ALPK1: variants seen among roughly 807,000 people sequenced by gnomAD.
The protein encoded by ALPK1 is alpha-protein kinase 1.
In ALPK1, 110 loss-of-function variants were observed where a neutral mutation model predicts 120.6. The observed-to-expected ratio is 0.91, with a 90% CI of 0.78 to 1.07. ALPK1 has a LOEUF of 1.07. Among genes scored for constraint, ALPK1 ranks in the 50% least tolerant of loss-of-function variants. The pLI is 0.00. For synonymous variants in ALPK1, 582 were observed against 560.3 expected, an observed-to-expected ratio of 1.04 and a Z score of -0.55; for missense variants, 1,498 against 1,483.9, an observed-to-expected ratio of 1.01 and a Z score of -0.16.
intron 11 of ALPK1, among the ~76,000 whole-genome samples, 195 bp from the exon 12 acceptor site, chr4:112,434,953 G>A (rs1410477013): frequency 6.6e-6 from 1 of 152,102 alleles, no homozygotes; most frequent in East Asian, 1.9e-4. Flanking sequence ...AATTTATAAA[G>A]TGTTACTTTT....
chr4:112,301,365 T>A (rs1199310236), intron 1 of ALPK1, among the ~76,000 whole-genome samples: 1 of 152,188 alleles, frequency 6.6e-6, no homozygotes, highest in Non-Finnish European at 1.5e-5. Flanking sequence ...CCTACCCTCT[T>A]CCTTGGGACA....
intron 1 of ALPK1, among the ~76,000 whole-genome samples, chr4:112,308,248 G>A (rs1407223570): frequency 1.3e-5 from 2 of 152,030 alleles, no homozygotes; most frequent in African/African-American, 4.8e-5. Context: ...TTCTCAAGGA[G>A]TATCTTTGTG....
At position 112,441,233 on chromosome 4, in the gene ALPK1, T is replaced by C. The variant is rs1314290325; in HGVS notation, c.*23T>C. The C allele has an allele frequency of 1.8e-5, 27 of 1,517,640 alleles. No individual in the cohort carries two copies. The East Asian group carries it at 5.4e-4, about 30-fold the overall frequency. 94.0% of individuals were successfully genotyped at this position (1,517,640 alleles called of 1,614,324 possible). A position where few individuals can be genotyped will look rare whatever the true frequency, so the allele number is the denominator to read the frequency against. On this transcript the variant is annotated 3_prime_UTR_variant, in exon 16 of 16. Coordinates refer to ENST00000650871, the MANE Select transcript of ALPK1 (RefSeq NM_025144.4). The stretch of plus-strand genomic sequence containing the variant: ...TAGAATACGGCACAGTCTGGTCCTT[T>C]GGGGCTTGGGCAGGGCCGTGACACA...
intron 2 of ALPK1, among the ~76,000 whole-genome samples, chr4:112,367,767 C>T (rs949500876): frequency 1.3e-5 from 2 of 152,184 alleles, no homozygotes; most frequent in Non-Finnish European, 2.9e-5. Flanking sequence ...TATGTTAGAC[C>T]TTTTCTACAA....
In ALPK1 at chr4:112,424,006, G is replaced by C. The variant is rs1282567505; in HGVS notation, c.535+3G>C. On this transcript the variant is annotated splice_donor_region_variant and intron_variant, in intron 6 of 15. Coordinates refer to ENST00000650871, the MANE Select transcript of ALPK1 (RefSeq NM_025144.4). ...AATAAGCAACAATGGAGCAACGGGTGAGTACTTTCATATCTTCACAATGAC... is the reference window on the plus strand; with the variant it reads ...AATAAGCAACAATGGAGCAACGGGTCAGTACTTTCATATCTTCACAATGAC... 1 of 1,613,506 alleles carries C rather than the reference G, an allele frequency of 6.2e-7. No individual in the cohort carries two copies. Among genetic ancestry groups the C allele is most frequent in the Admixed American group, 1.7e-5 (1 of 59,996 alleles).
intron 2 of ALPK1, among the ~76,000 whole-genome samples, chr4:112,350,947 A>G (rs115912885): frequency 0.021 from 3,167 of 152,264 alleles, 44 homozygotes; most frequent in Admixed American, 0.032. Context: ...GGGTGCAGAA[A>G]TGCCAAGAAA....
intron 4 of ALPK1, among the ~76,000 whole-genome samples, chr4:112,396,869 C>T (rs1236409900): frequency 6.6e-6 from 1 of 152,126 alleles, no homozygotes; most frequent in Non-Finnish European, 1.5e-5. Context: ...CCTCCATCTC[C>T]TGGGTTCAAG....
intron 4 of ALPK1, among the ~76,000 whole-genome samples, chr4:112,406,196 A>G (rs571079694): frequency 1.4e-4 from 22 of 152,350 alleles, no homozygotes; most frequent in African/African-American, 5.0e-4. Flanking sequence ...TGGCAGCACT[A>G]TTCACAATAA....
chr4:112,397,591 T>C (rs75578389), intron 4 of ALPK1, among the ~76,000 whole-genome samples: 1 of 152,336 alleles, frequency 6.6e-6, no homozygotes, highest in Non-Finnish European at 1.5e-5. Flanking sequence ...CCCTAACCTG[T>C]CTCAGTAGCT....
chr4:112,329,900 C>T (rs903820852), intron 2 of ALPK1, among the ~76,000 whole-genome samples: 3 of 152,208 alleles, frequency 2.0e-5, no homozygotes, highest in African/African-American at 7.2e-5. Flanking sequence ...TACTGTGTGA[C>T]AGAGTTGCTA....
chr4:112,311,037 G>A (rs751543442), intron 1 of ALPK1, among the ~76,000 whole-genome samples: 6 of 152,320 alleles, frequency 3.9e-5, no homozygotes, highest in Middle Eastern at 6.8e-3. Flanking sequence ...AAGTTCACAC[G>A]TAGCTGGTTT....
intron 2 of ALPK1, among the ~76,000 whole-genome samples, chr4:112,326,499 T>C (rs1729125200): frequency 6.6e-6 from 1 of 152,164 alleles, no homozygotes; most frequent in African/African-American, 2.4e-5. Context: ...CATTCAAGTC[T>C]TAATGGAATG....
At chr4:112,386,342 A>G (rs1267583247) in intron 4 of ALPK1, among the ~76,000 whole-genome samples, 3 of 152,214 alleles carry the variant, frequency 2.0e-5, no homozygotes, top group African/African-American at 4.8e-5. Context: ...GCGCTCTCCC[A>G]GAAAAAACAC....
chr4:112,308,721 A>G (rs1395752333), intron 1 of ALPK1, among the ~76,000 whole-genome samples: 4 of 151,996 alleles, frequency 2.6e-5, no homozygotes, highest in Non-Finnish European at 5.9e-5. Flanking sequence ...GAAAAGTTTG[A>G]TCGTCTGAAG....
chr4:112,327,102 A>G (rs150624980), intron 2 of ALPK1, among the ~76,000 whole-genome samples: 287 of 152,358 alleles, frequency 1.9e-3, no homozygotes, highest in African/African-American at 6.6e-3. Flanking sequence ...GAAAAGCCAT[A>G]GACAGTCATT....
At chr4:112,402,715 A>G (rs531822950) in intron 4 of ALPK1, among the ~76,000 whole-genome samples, 246 of 152,336 alleles carry the variant, frequency 1.6e-3, no homozygotes, top group African/African-American at 5.7e-3. Context: ...TTATGTAAAC[A>G]TGATCACATA....
intron 2 of ALPK1, among the ~76,000 whole-genome samples, chr4:112,343,955 T>C (rs1216502379): frequency 6.6e-6 from 1 of 152,340 alleles, no homozygotes; most frequent in Admixed American, 6.5e-5. Flanking sequence ...GCGAGATTTA[T>C]GCCAATGAGC....
chr4:112,352,964 T>G (rs1433491194), intron 2 of ALPK1: 1 of 129,142 alleles, frequency 7.7e-6, no homozygotes, highest in Non-Finnish European at 1.6e-5. Context: ...TCCTTTCCTT[T>G]CCTTTCCTTT....
rs143820289 is a variant in ALPK1, at chr4:112,413,954, A to G, written c.475+1929A>G. 4.3e-3 allele frequency among the ~76,000 whole-genome samples: 661 copies of G among 152,336 alleles called. 6 individuals carry two copies. The highest frequency in any genetic ancestry group is 0.015 in the African/African-American group (620 of 41,564). On this transcript the variant is annotated intron_variant, in intron 5 of 15. Coordinates refer to ENST00000650871, the MANE Select transcript of ALPK1 (RefSeq NM_025144.4). ...AGACACTATTAAAAGTGCCACAGAA[A>G]GACAAATATAACCTCAGAGTTAAGT...
Sources: allele counts gnomAD v4.1 joint callset (sites outside exome capture counted in the v4.1 genomes callset), GRCh38; gene constraint gnomAD v4.1.1; transcripts MANE v1.5; gene names NCBI Gene and HGNC (gene_info 2026-07-23, HGNC 2026-07-21).